RREB1: variants seen among roughly 807,000 people sequenced by gnomAD.
RREB1 encodes ras-responsive element-binding protein 1.
A neutral mutation model predicts 117.8 loss-of-function variants in RREB1; 27 were observed. The ratio of observed to expected loss-of-function variants is 0.23; its 90% confidence interval spans 0.17 to 0.32. The LOEUF (loss-of-function observed/expected upper bound fraction) is 0.32. Ranked by LOEUF, RREB1 falls within the 10% of genes least tolerant of loss-of-function variation. RREB1 has a pLI of 1.00. For synonymous variants in RREB1, 1,298 were observed against 1,026.7 expected, an observed-to-expected ratio of 1.26 and a Z score of -5.05; for missense variants, 2,577 against 2,378.2, an observed-to-expected ratio of 1.08 and a Z score of -1.74.
At chr6:7,160,009 G>A (rs992458691) in intron 1 of RREB1, among the ~76,000 whole-genome samples, 3 of 151,978 alleles carry the variant, frequency 2.0e-5, no homozygotes, top group Non-Finnish European at 4.4e-5. Flanking sequence ...TAGATTGAGA[G>A]AAACAATGCC....
intron 2 of RREB1, among the ~76,000 whole-genome samples, chr6:7,177,445 T>C (rs1404176181): frequency 1.3e-5 from 2 of 151,856 alleles, no homozygotes; most frequent in Non-Finnish European, 2.9e-5. Context: ...TTCATCTGCT[T>C]GGTAATGTTG....
At chr6:7,118,368 G>A (rs7772694) in intron 1 of RREB1, among the ~76,000 whole-genome samples, 2,775 of 152,022 alleles carry the variant, frequency 0.018, 71 homozygotes, top group African/African-American at 0.061. Flanking sequence ...TGATCTGCCC[G>A]CCTTGGCCTC....
At chr6:7,218,079 T>C (rs1198802623) in intron 8 of RREB1, 1 of 152,278 alleles carries the variant, frequency 6.6e-6, no homozygotes, top group Non-Finnish European at 1.5e-5. Flanking sequence ...GACACCTTTA[T>C]GTAACAGAAC....
rs1478839043 is a variant in RREB1, at chr6:7,207,992, C to T, written c.426-2812C>T. 2.6e-5 allele frequency among the ~76,000 whole-genome samples: 4 copies of T among 152,270 alleles called. No homozygotes were observed. The East Asian group carries it at 7.7e-4, about 29-fold the overall frequency. ...CAAGCAGAACTAAATGGTGATGCCT[C>T]CAGTCTGCTGTGGAGAGGGACTTTC... On this transcript the variant is annotated intron_variant, in intron 6 of 12. Transcript: ENST00000379938.
intron 1 of RREB1, among the ~76,000 whole-genome samples, chr6:7,119,881 A>C (rs1301719271): frequency 1.3e-5 from 2 of 152,184 alleles, no homozygotes; most frequent in Non-Finnish European, 2.9e-5. Context: ...TGGCAGTAGA[A>C]AAAGGGAGCT....
rs537203397 is a variant in RREB1, at chr6:7,127,354, A to C, written c.-285+19294A>C. 3.1e-4 allele frequency among the ~76,000 whole-genome samples: 47 copies of C among 152,266 alleles called. No homozygotes were observed. In the South Asian group the frequency reaches 9.5e-3, roughly 31 times the overall value. On this transcript the variant is annotated intron_variant, in intron 1 of 12. Coordinates refer to ENST00000379938, the MANE Select transcript of RREB1 (RefSeq NM_001003699.4). ...TGGAATTTGGTATTCTCTTTAACAG[A>C]ATAACTTCTTCCCTTTTTTTTTACA... is the stretch of plus-strand genomic sequence containing the variant.
intron 1 of RREB1, among the ~76,000 whole-genome samples, chr6:7,167,691 A>G (rs908111789): frequency 6.6e-6 from 1 of 152,208 alleles, no homozygotes; most frequent in Non-Finnish European, 1.5e-5. Context: ...GGTTTTGGCA[A>G]TCCAATAGGG....
chr6:7,220,074 TA>T (rs1275402227), intron 8 of RREB1, among the ~76,000 whole-genome samples: 1 of 152,094 alleles, frequency 6.6e-6, no homozygotes, highest in African/African-American at 2.4e-5. Context: ...CTCCACCCCA[TA>T]ATAGGAACCT....
intron 1 of RREB1, among the ~76,000 whole-genome samples, chr6:7,163,596 G>A (rs529269969): frequency 2.6e-5 from 4 of 152,034 alleles, no homozygotes; most frequent in East Asian, 1.9e-4. Context: ...GGGTTTCACC[G>A]TGTTAGCCAG....
chr6:7,163,391 TTTTA>T (rs1034751046), intron 1 of RREB1, among the ~76,000 whole-genome samples: 2 of 152,122 alleles, frequency 1.3e-5, no homozygotes, highest in Admixed American at 1.3e-4. Flanking sequence ...TTTTATTTTA[TTTTA>T]TTTATTTATT....
At chr6:7,211,079 C>G (rs1766561099) in intron 7 of RREB1, 131 bp downstream of exon 7, 1 of 897,068 alleles carries the variant, frequency 1.1e-6, no homozygotes, top group Non-Finnish European at 1.7e-6. Context: ...TTTTCCCATA[C>G]TGTTTCTGTA....
chr6:7,195,454 G>A (rs552641806), intron 6 of RREB1, among the ~76,000 whole-genome samples: 5 of 152,320 alleles, frequency 3.3e-5, no homozygotes, highest in Middle Eastern at 3.4e-3. Context: ...TGAGACTCTA[G>A]TAGTGAGCTG....
At chr6:7,174,151 C>CTTTTTTTTTTTTTT (rs59106767) in intron 1 of RREB1, among the ~76,000 whole-genome samples, 2 of 131,080 alleles carry the variant, frequency 1.5e-5, no homozygotes, top group Non-Finnish European at 3.2e-5. Flanking sequence ...CTAGTCTTTC[C>CTTTTTTTTTTTTTT]TTTTTTTTTT....
chr6:7,222,488 C>A (rs180711671), intron 8 of RREB1, among the ~76,000 whole-genome samples: 1 of 152,316 alleles, frequency 6.6e-6, no homozygotes, highest in Non-Finnish European at 1.5e-5. Context: ...TGTTCCACAG[C>A]TGCCTTCCCA....
At chr6:7,163,546 C>T (rs1763769300) in intron 1 of RREB1, among the ~76,000 whole-genome samples, 1 of 152,176 alleles carries the variant, frequency 6.6e-6, no homozygotes, top group African/African-American at 2.4e-5. Flanking sequence ...CACCCGCCAC[C>T]ACGCCCGGCT....
chr6:7,232,897 G>GT (rs1279971451), intron 10 of RREB1, among the ~76,000 whole-genome samples: 1 of 150,850 alleles, frequency 6.6e-6, no homozygotes, highest in African/African-American at 2.4e-5. Flanking sequence ...GGCCCCAAAA[G>GT]TATTTTTCTT....
chr6:7,236,478 T>C (rs1361123253), intron 10 of RREB1, among the ~76,000 whole-genome samples: 1 of 152,214 alleles, frequency 6.6e-6, no homozygotes, highest in Non-Finnish European at 1.5e-5. Flanking sequence ...ATTTGGCTCC[T>C]TTTAGCTTTC....
chr6:7,244,178 G>A (rs1481974850), intron 11 of RREB1, among the ~76,000 whole-genome samples: 2 of 151,352 alleles, frequency 1.3e-5, no homozygotes, highest in East Asian at 1.9e-4. Flanking sequence ...CAGGAGAATC[G>A]CCTGAACCCA....
intron 12 of RREB1, among the ~76,000 whole-genome samples, chr6:7,247,510 TG>T (rs991313152): frequency 1.3e-5 from 2 of 151,772 alleles, no homozygotes; most frequent in African/African-American, 2.4e-5. Flanking sequence ...ATCTGTAGAG[TG>T]GGGGTAACAG....
Sources: gnomAD v4.1 joint callset for allele counts (sites outside exome capture counted in the v4.1 genomes callset) on GRCh38, gnomAD v4.1.1 for gene constraint, MANE v1.5 for transcripts, NCBI Gene and HGNC (gene_info 2026-07-23, HGNC 2026-07-21) for gene names.